Variants in RGPD1 observed in about 807,000 individuals in gnomAD.
The protein encoded by RGPD1 is RANBP2 like and GRIP domain containing 1.
In RGPD1, 7 loss-of-function variants were observed where a neutral mutation model predicts 40.6. That is an observed-to-expected ratio of 0.17 (90% confidence interval 0.10 to 0.32). RGPD1 has a LOEUF of 0.32. Among genes scored for constraint, RGPD1 ranks in the 10% least tolerant of loss-of-function variants. The pLI is 1.00. For missense variants in RGPD1, 50 were observed against 472.5 expected, an observed-to-expected ratio of 0.11 and a Z score of 8.29; for synonymous variants, 24 against 167.0, an observed-to-expected ratio of 0.14 and a Z score of 6.60.
upstream of RGPD1, among the ~76,000 whole-genome samples, chr2:86,941,751 C>T (rs1280078216): frequency 6.6e-6 from 1 of 150,506 alleles, no homozygotes; most frequent in Non-Finnish European, 1.5e-5. Context: ...CTTACTCTCG[C>T]CCAGGCTTGA....
Position 86,914,013 on chromosome 2 carries a change from T to TCGGCCCC in RGPD1, c.72+92_72+93insCGGCCCC. 10 of 509,612 alleles carry TCGGCCCC rather than the reference T, an allele frequency of 2.0e-5. 1 individual carries two copies. The highest frequency in any genetic ancestry group is 1.8e-5 in the Non-Finnish European group (8 of 456,258). 31.6% of individuals were successfully genotyped at this position (509,612 alleles called of 1,614,324 possible). A position where few individuals can be genotyped will look rare whatever the true frequency, so the allele number is the denominator to read the frequency against. On this transcript the variant is annotated intron_variant, in intron 1 of 22. Transcript: ENST00000398193. ...GGCGGCGGCGGCCTCGGCCTCGGCCTGGCCGGGCGGCGGCGGCGGCGGCGG... is the reference window on the plus strand; with the variant it reads ...GGCGGCGGCGGCCTCGGCCTCGGCCTCGGCCCCGGCCGGGCGGCGGCGGCGGCGGCGG...
At chr2:86,943,622 G>A (rs868816633) in intron 1 of RGPD1, among the ~76,000 whole-genome samples, 4 of 152,160 alleles carry the variant, frequency 2.6e-5, no homozygotes, top group African/African-American at 9.7e-5. Flanking sequence ...AACATTAATA[G>A]AATTTGATAG....
chr2:86,942,910 G>A (rs1050843557), intron 1 of RGPD1, among the ~76,000 whole-genome samples: 2 of 151,646 alleles, frequency 1.3e-5, no homozygotes, highest in Admixed American at 1.3e-4. Context: ...TGTTCCCGAC[G>A]GTGCTCGCTC....
rs1275146748 is a variant in RGPD1 at position 87,006,422 on chromosome 2, ATGTAT to A, written c.5237-6087_5237-6083del. ...TTGTGAACATATTAGTTTAAATAAA[ATGTAT>A]TGTGAAAATTAATTTCATGTTTCTA... On this transcript the variant is annotated intron_variant, in intron 22 of 22. Transcript: ENST00000641458. Among the ~76,000 whole-genome samples, 36 of 54,146 alleles carry A rather than the reference ATGTAT, an allele frequency of 6.6e-4. 1 individual carries two copies. Among genetic ancestry groups the A allele is most frequent in the African/African-American group, 2.6e-3 (25 of 9,542 alleles). The allele number at this position is 54,146 out of a possible 152,430, so 35.5% of individuals were successfully genotyped here. A position where few individuals can be genotyped will look rare whatever the true frequency, so the allele number is the denominator to read the frequency against.
chr2:87,006,736 G>A (rs982236429), intron 22 of RGPD1, among the ~76,000 whole-genome samples: 3 of 128,044 alleles, frequency 2.3e-5, no homozygotes, highest in Non-Finnish European at 4.8e-5. Flanking sequence ...ACTCCAGCCT[G>A]GGCTTCAGAG....
chr2:86,928,079 AAAT>A lies in RGPD1; in HGVS notation c.72+14161_72+14163del, dbSNP rs1256797636. ...CTTACATTTTCTTGGGAGAGACAGA[AAAT>A]AAACATGAAAAACAGATGTGTTCAA... On this transcript the variant is annotated intron_variant, in intron 1 of 22. Transcript: ENST00000398193. 1.7e-4 allele frequency among the ~76,000 whole-genome samples: 22 copies of A among 131,842 alleles called. 3 individuals are homozygous for A. Among genetic ancestry groups the A allele is most frequent in the East Asian group, 1.5e-3 (7 of 4,570 alleles). 86.5% of individuals were successfully genotyped at this position (131,842 alleles called of 152,430 possible).
intron 1 of RGPD1, among the ~76,000 whole-genome samples, chr2:86,927,050 C>T (rs1464214557): frequency 6.6e-6 from 1 of 152,082 alleles, no homozygotes; most frequent in East Asian, 1.9e-4. Flanking sequence ...TGATTTTTTT[C>T]ATTTGTGAAA....
In RGPD1 at chr2:86,942,248, C is replaced by G. The variant is rs923423041; in HGVS notation, c.12C>G (p.Ser4Arg). The change falls in exon 1 of 23, where the codon AGC becomes AGG. Residue 4 changes from serine (S) to arginine (R), a missense_variant. By Grantham distance (110) the Ser-to-Arg change is moderately radical (BLOSUM62 -1). Coordinates refer to ENST00000641458, the MANE Select transcript of RGPD1 (RefSeq NM_001382344.1). MRR[S>R]KAYGERYVAS... ...AGGTTGGCGGTGCGATGAGGCGCAG[C>G]AAGGCCTACGGGGAGCGGTACGTCG... 14 of 1,606,564 alleles carry G rather than the reference C, an allele frequency of 8.7e-6. No homozygotes were observed. Among genetic ancestry groups the G allele is most frequent in the South Asian group, 1.1e-5 (1 of 89,888 alleles).
intron 1 of RGPD1, 61 bp downstream of exon 1, chr2:86,942,369 C>CGGGGCGGCGGCCTCGACCTGG (rs1159564127): frequency 1.5e-6 from 2 of 1,338,350 alleles, no homozygotes; most frequent in African/African-American, 5.2e-5. Flanking sequence ...CTCGACCTGG[C>CGGGGCGGCGGCCTCGACCTGG]CGGGCGGCGG....
Position 87,010,832 on chromosome 2 carries a change from G to A in RGPD1, c.5237-1681G>A, listed in dbSNP as rs1130692. The stretch of plus-strand genomic sequence containing the variant: ...TGAGGTAGGAGAATCGCTTGAACCC[G>A]GAGGCGGAGGTTGTGGTGAGCTGAG... On this transcript the variant is annotated intron_variant, in intron 22 of 22. Transcript: ENST00000641458. 1.5e-3 allele frequency among the ~76,000 whole-genome samples: 86 copies of A among 58,376 alleles called. 2 individuals are homozygous for A. Among genetic ancestry groups the A allele is most frequent in the South Asian group, 3.9e-3 (6 of 1,556 alleles). 38.3% of individuals were successfully genotyped at this position (58,376 alleles called of 152,430 possible).
chr2:86,938,546 T>A, upstream of RGPD1, among the ~76,000 whole-genome samples: 1 of 147,352 alleles, frequency 6.8e-6, no homozygotes, highest in Non-Finnish European at 1.5e-5. Flanking sequence ...CTAGACTCAA[T>A]CAAGTTACCT....
chr2:86,924,394 A>G (rs1573569923), intron 1 of RGPD1, among the ~76,000 whole-genome samples: 1 of 150,380 alleles, frequency 6.6e-6, no homozygotes, highest in African/African-American at 2.4e-5. Context: ...GGCCTCAATA[A>G]TCCGCCCATG....
At chr2:86,924,919 C>G (rs900917263) in intron 1 of RGPD1, among the ~76,000 whole-genome samples, 3 of 149,028 alleles carry the variant, frequency 2.0e-5, no homozygotes, top group Non-Finnish European at 4.5e-5. Flanking sequence ...GGAGACCAGC[C>G]TGGGCAACAT....
chr2:86,945,834 G>A (rs1277949655), intron 1 of RGPD1, among the ~76,000 whole-genome samples: 17 of 143,566 alleles, frequency 1.2e-4, no homozygotes, highest in South Asian at 4.8e-4. Context: ...CAGAGATTGC[G>A]CCACTGCACT....
chr2:86,942,467 C>A (rs1405364909), intron 1 of RGPD1, among the ~76,000 whole-genome samples, 159 bp downstream of exon 1: 1 of 132,710 alleles, frequency 7.5e-6, no homozygotes, highest in South Asian at 2.4e-4. Flanking sequence ...GTTGAGGCGC[C>A]GGCCTCGACC....
intron 1 of RGPD1, among the ~76,000 whole-genome samples, chr2:86,943,167 G>T (rs1222833028): frequency 5.3e-5 from 8 of 151,306 alleles, no homozygotes; most frequent in African/African-American, 1.9e-4. Context: ...GACATTTGCA[G>T]TGGCCCGACG....
At chr2:86,933,526 ACTCT>A (rs1234407421) in intron 1 of RGPD1, among the ~76,000 whole-genome samples, 2 of 135,352 alleles carry the variant, frequency 1.5e-5, no homozygotes, top group African/African-American at 5.4e-5. Context: ...TCATTAGCTA[ACTCT>A]CTCAATATTA....
upstream of RGPD1, among the ~76,000 whole-genome samples, chr2:86,937,132 C>G (rs1679408154): frequency 8.4e-6 from 1 of 118,744 alleles, no homozygotes; most frequent in African/African-American, 4.1e-5. Flanking sequence ...ATATCAGAAT[C>G]CCTTTATTTT....
At position 86,929,382 on chromosome 2, in the gene RGPD1, C is replaced by T. The variant is rs1410049668; in HGVS notation, c.72+15461C>T. ...TTGATGCCCCCGGAGTTGTGAAACA[C>T]AGTGGCCCTGCTTCAGTTTTTTAGA... On this transcript the variant is annotated intron_variant, in intron 1 of 22. Transcript: ENST00000398193. Among the ~76,000 whole-genome samples the T allele has an allele frequency of 3.8e-4, 57 of 151,968 alleles. 3 individuals are homozygous for T. Among genetic ancestry groups the T allele is most frequent in the Non-Finnish European group, 1.3e-4 (9 of 68,024 alleles).
Sources: gnomAD v4.1 joint callset for allele counts (sites outside exome capture counted in the v4.1 genomes callset) on GRCh38, gnomAD v4.1.1 for gene constraint, MANE v1.5 for transcripts, NCBI Gene and HGNC (gene_info 2026-07-23, HGNC 2026-07-21) for gene names.